Variants in PTPRN2 observed in about 807,000 individuals in gnomAD.
The protein encoded by PTPRN2 is receptor-type tyrosine-protein phosphatase N2.
A neutral mutation model predicts 118.8 loss-of-function variants in PTPRN2; 74 were observed. That is an observed-to-expected ratio of 0.62 (90% CI 0.52 to 0.76). The LOEUF (loss-of-function observed/expected upper bound fraction) is 0.76, where lower values mean the gene tolerates loss of function less well. Ranked by LOEUF, PTPRN2 falls within the 30% of genes least tolerant of loss-of-function variation. The pLI is 0.00. For synonymous variants in PTPRN2, 641 were observed against 608.0 expected (o/e 1.05, Z -0.80); for missense variants, 1,481 against 1,394.4 (o/e 1.06, Z -0.99).
In PTPRN2 at chr7:157,540,677, G is replaced by T. The variant is rs954435043; in HGVS notation, c.*37C>A. On this transcript the variant is annotated 3_prime_UTR_variant, in exon 23 of 23. Coordinates refer to ENST00000389418, the MANE Select transcript of PTPRN2 (RefSeq NM_002847.5). ...GATCATGATTCCTGACAACATCCGTGGGGTGGGGGCTCCCCTGAGGCCCCT... is the reference window on the plus strand; with the variant it reads ...GATCATGATTCCTGACAACATCCGTTGGGTGGGGGCTCCCCTGAGGCCCCT... 3.4e-6 allele frequency: 5 copies of T among 1,465,690 alleles called. No individual in the cohort carries two copies. The highest frequency in any genetic ancestry group is 2.8e-6 in the Non-Finnish European group (3 of 1,071,298). 90.8% of individuals were successfully genotyped at this position (1,465,690 alleles called of 1,614,324 possible). A position where few individuals can be genotyped will look rare whatever the true frequency, so the allele number is the denominator to read the frequency against.
chr7:158,098,990 GCCTCCCCTTCCTCCCCCAACA>G (rs1814927225), intron 10 of PTPRN2, among the ~76,000 whole-genome samples: 1 of 32,758 alleles, frequency 3.1e-5, no homozygotes, highest in African/African-American at 8.6e-5. Context: ...CATCCCGGCT[GCCTCCCCTTCCTCCCCCAACA>G]CATCCCGGCT....
intron 22 of PTPRN2, among the ~76,000 whole-genome samples, chr7:157,545,725 C>A (rs1377383629): frequency 6.6e-6 from 1 of 152,046 alleles, no homozygotes; most frequent in Non-Finnish European, 1.5e-5. Flanking sequence ...TGAGGGGCAT[C>A]TTTTTTACCA....
chr7:158,244,294 A>G (rs1796062546), intron 3 of PTPRN2, among the ~76,000 whole-genome samples: 1 of 152,364 alleles, frequency 6.6e-6, no homozygotes, highest in Middle Eastern at 3.4e-3. Context: ...AGTAGCACAG[A>G]AGTTGGAAAC....
intron 16 of PTPRN2, among the ~76,000 whole-genome samples, chr7:157,595,639 G>C (rs1403045518): frequency 6.6e-6 from 1 of 150,804 alleles, no homozygotes; most frequent in Non-Finnish European, 1.5e-5. Context: ...TAGGAAGCCT[G>C]GTGGTTAGGA....
Position 158,454,487 on chromosome 7 carries a change from A to G in PTPRN2, c.163+35248T>C, listed in dbSNP as rs553042142. ...TTGCTACAGAGGACAGACAAGATAC[A>G]ACACACACAATCACTGATGTGAGGA... On this transcript the variant is annotated intron_variant, in intron 2 of 22. Coordinates refer to ENST00000389418, the MANE Select transcript of PTPRN2 (RefSeq NM_002847.5). Among the ~76,000 whole-genome samples, 5 of 149,062 alleles carry G rather than the reference A, an allele frequency of 3.4e-5. No homozygotes were observed. In the South Asian group the frequency reaches 1.1e-3, roughly 33 times the overall value.
rs777420557 is a variant in PTPRN2 at position 157,831,518 on chromosome 7, C to T, written c.1788+67155G>A. 3.9e-5 allele frequency among the ~76,000 whole-genome samples: 6 copies of T among 152,164 alleles called. No homozygotes were observed. The highest frequency in any genetic ancestry group is 6.5e-5 in the Admixed American group (1 of 15,284). ...CCCTCCCCATCCCTGTCCACGGCCC[C>T]TCTCACCCTGCAGTACTGAGCAGGG... On this transcript the variant is annotated intron_variant, in intron 12 of 22. Transcript: ENST00000389418. This position sits in a 1 kb window ranked among gnomAD's most constrained non-coding sequence, Gnocchi z 4.8.
intron 12 of PTPRN2, among the ~76,000 whole-genome samples, chr7:157,825,852 A>G (rs1188670844): frequency 1.3e-5 from 2 of 152,228 alleles, no homozygotes; most frequent in Non-Finnish European, 2.9e-5. Context: ...GGAGACCTCA[A>G]GGCTCCAGGA....
chr7:158,442,183 G>A (rs117576703), intron 2 of PTPRN2, among the ~76,000 whole-genome samples: 6,809 of 151,518 alleles, frequency 0.045, 304 homozygotes, highest in East Asian at 0.17. Context: ...TGGTGGTGAT[G>A]GTGATAGTAA....
At chr7:158,255,881 T>C (rs1169702046) in intron 3 of PTPRN2, among the ~76,000 whole-genome samples, 1 of 152,180 alleles carries the variant, frequency 6.6e-6, no homozygotes, top group Non-Finnish European at 1.5e-5. Context: ...TTTCTCTGCC[T>C]GTTCCAGCTG....
intron 11 of PTPRN2, among the ~76,000 whole-genome samples, chr7:158,061,365 C>T (rs570535454): frequency 1.3e-5 from 2 of 152,340 alleles, no homozygotes; most frequent in South Asian, 2.1e-4. Flanking sequence ...ACAGTGGCCC[C>T]GCAACCCACC....
At chr7:157,649,172 T>G (rs1429614034) in intron 14 of PTPRN2, among the ~76,000 whole-genome samples, 1 of 121,692 alleles carries the variant, frequency 8.2e-6, no homozygotes, top group African/African-American at 3.0e-5. Flanking sequence ...CTGAACTCGG[T>G]GGGTCGGACC....
chr7:157,825,166 A>G (rs1376515015), intron 12 of PTPRN2, among the ~76,000 whole-genome samples: 2 of 151,798 alleles, frequency 1.3e-5, no homozygotes, highest in African/African-American at 4.8e-5. Context: ...TGGACATGCG[A>G]CTCGGTTCTG....
intron 1 of PTPRN2, among the ~76,000 whole-genome samples, chr7:158,554,084 T>C (rs1826828902): frequency 6.6e-6 from 1 of 152,204 alleles, no homozygotes; most frequent in Non-Finnish European, 1.5e-5. Flanking sequence ...GAACCTTCCT[T>C]ATATACCCCA....
At chr7:157,854,524 T>A (rs973751849) in intron 12 of PTPRN2, 2 of 152,338 alleles carry the variant, frequency 1.3e-5, no homozygotes, top group African/African-American at 4.8e-5. Context: ...GCTCTGTGCC[T>A]ATGAAGACGG....
chr7:157,685,790 C>T (rs139930492), intron 12 of PTPRN2, among the ~76,000 whole-genome samples: 1 of 152,306 alleles, frequency 6.6e-6, no homozygotes, highest in Non-Finnish European at 1.5e-5. Context: ...GCTCTCCTCC[C>T]GGGTCCCCGC....
chr7:158,587,575 T>C lies in PTPRN2; in HGVS notation c.95A>G (p.Gln32Arg), dbSNP rs970233115. 3.8e-6 allele frequency: 5 copies of C among 1,328,366 alleles called. No individual in the cohort carries two copies. The African/African-American group carries it at 6.3e-5, about 17-fold the overall frequency. The allele number at this position is 1,328,366 out of a possible 1,614,324, so 82.3% of individuals were successfully genotyped here. ...CCACTCACCCAGACGCCCCGGGAGCTGCCGGCCGCGGGGGACGGACGAAGG... is the reference window on the plus strand; with the variant it reads ...CCACTCACCCAGACGCCCCGGGAGCCGCCGGCCGCGGGGGACGGACGAAGG... ...AAPSSVPRGRQLPGRLGCLLE... is the reference protein window; with the variant it reads ...AAPSSVPRGRRLPGRLGCLLE... Residue 32 changes from glutamine (Q) to arginine (R), a missense_variant, in exon 1 of 23, where the codon CAG (glutamine) becomes CGG (arginine). Gln to Arg is a conservative substitution (Grantham distance 43). This residue lies in a region of PTPRN2 where 1,115 missense variants were observed against 994.2 expected (regional missense o/e 1.12). Transcript: ENST00000389418.
chr7:158,096,993 G>C (rs1344232746), intron 10 of PTPRN2, among the ~76,000 whole-genome samples: 1 of 152,046 alleles, frequency 6.6e-6, no homozygotes, highest in Non-Finnish European at 1.5e-5. Context: ...AATTATCCAG[G>C]GCTTTATAGT....
intron 12 of PTPRN2, chr7:157,856,236 G>A (rs560873020): frequency 9.2e-5 from 14 of 152,368 alleles, no homozygotes; most frequent in African/African-American, 2.9e-4. Flanking sequence ...TCATTTCCAT[G>A]CTTTTTAGAG....
At chr7:158,214,390 C>A (rs899942214) in intron 3 of PTPRN2, among the ~76,000 whole-genome samples, 48 of 129,972 alleles carry the variant, frequency 3.7e-4, no homozygotes, top group African/African-American at 1.5e-3. Context: ...CCGGAAACAC[C>A]AGCGTGTACA....
Sources: allele counts gnomAD v4.1 joint callset (sites outside exome capture counted in the v4.1 genomes callset), GRCh38; gene constraint gnomAD v4.1.1; regional missense constraint gnomAD v4.1.1; non-coding constraint Gnocchi (gnomAD v3.1); transcripts MANE v1.5; gene names NCBI Gene and HGNC (gene_info 2026-07-23, HGNC 2026-07-21).